Variants in CDYL observed in about 807,000 individuals in gnomAD.
The protein encoded by CDYL is chromodomain Y-like protein.
Under a neutral mutation model 47.3 loss-of-function variants are expected in CDYL, and 8 were observed. The observed-to-expected ratio is 0.17, with a 90% CI of 0.10 to 0.31. CDYL has a LOEUF of 0.31. CDYL is among the 10% of genes least tolerant of loss of function. The pLI is 1.00. For missense variants in CDYL, 471 were observed against 701.4 expected (o/e 0.67, Z 3.71); for synonymous variants, 266 against 265.0 (o/e 1.00, Z -0.04).
chr6:4,837,609 C>T (rs779112651), intron 1 of CDYL, among the ~76,000 whole-genome samples: 3 of 151,380 alleles, frequency 2.0e-5, no homozygotes, highest in South Asian at 4.2e-4. Flanking sequence ...GGATTACAGG[C>T]GAGTGTTACC....
chr6:4,907,101 A>G (rs879300014), intron 2 of CDYL, among the ~76,000 whole-genome samples: 5 of 152,212 alleles, frequency 3.3e-5, no homozygotes, highest in Non-Finnish European at 7.3e-5. Context: ...CACAATCTTC[A>G]GAGTTGCACA....
At chr6:4,736,718 C>A (rs1757710760) in intron 3 of CDYL, among the ~76,000 whole-genome samples, 1 of 151,300 alleles carries the variant, frequency 6.6e-6, no homozygotes, top group African/African-American at 2.4e-5. Context: ...TCCCTCATAA[C>A]CCATAGACTT....
At chr6:4,765,686 C>G (rs188169565) in intron 3 of CDYL, among the ~76,000 whole-genome samples, 1 of 152,046 alleles carries the variant, frequency 6.6e-6, no homozygotes, top group East Asian at 1.9e-4. Flanking sequence ...GCCTCGGCCT[C>G]CCATGTAGCT....
intron 2 of CDYL, among the ~76,000 whole-genome samples, chr6:4,928,421 C>T (rs537376961): frequency 6.6e-6 from 1 of 152,150 alleles, no homozygotes; most frequent in Non-Finnish European, 1.5e-5. Context: ...TAAATAGTTC[C>T]CAGAATCTAG....
intron 2 of CDYL, 125 bp from the exon 3 acceptor site, chr6:4,935,390 T>A (rs1248729676): frequency 1.2e-6 from 1 of 853,444 alleles, no homozygotes; most frequent in East Asian, 2.6e-5. Flanking sequence ...TTCTAAGTTT[T>A]AATATTCTTA....
At position 4,900,763 on chromosome 6, in the gene CDYL, A is replaced by T. The variant is rs1167761494; in HGVS notation, c.691+8384A>T. On this transcript the variant is annotated intron_variant, in intron 2 of 6. Coordinates refer to ENST00000397588, the MANE Select transcript of CDYL (RefSeq NM_004824.4). ...GACTGTTTGCATTCATTCTTCTGTT[A>T]ATTCCGTATACGTGTGTATATATAT... Among the ~76,000 whole-genome samples, 67 of 97,480 alleles carry T rather than the reference A, an allele frequency of 6.9e-4. 5 individuals carry two copies. Among genetic ancestry groups the T allele is most frequent in the African/African-American group, 2.4e-3 (64 of 26,402 alleles). The allele number at this position is 97,480 out of a possible 152,430, so 64.0% of individuals were successfully genotyped here. A position where few individuals can be genotyped will look rare whatever the true frequency, so the allele number is the denominator to read the frequency against.
chr6:4,763,049 T>C (rs1261500591), intron 3 of CDYL, among the ~76,000 whole-genome samples: 3 of 151,982 alleles, frequency 2.0e-5, no homozygotes, highest in East Asian at 1.9e-4. Flanking sequence ...AGAAGAAAGA[T>C]AGATTACCTT....
chr6:4,776,172 C>G (rs1315668380), upstream of CDYL, among the ~76,000 whole-genome samples: 2 of 6,618 alleles, frequency 3.0e-4, no homozygotes, highest in Admixed American at 1.4e-3. Context: ...CCCCCGCGCT[C>G]GCGGCCCCGC....
At position 4,829,502 on chromosome 6, in the gene CDYL, G is replaced by A. The variant is rs11962971; in HGVS notation, c.24+52695G>A. Among the ~76,000 whole-genome samples the A allele has an allele frequency of 4.1e-3, 629 of 152,304 alleles. 1 individual carries two copies. Among genetic ancestry groups the A allele is most frequent in the African/African-American group, 0.014 (587 of 41,560 alleles). On this transcript the variant is annotated intron_variant, in intron 1 of 6. Transcript: ENST00000397588. ...AGGTGATCAGTCTGAGGTGAAAGCC[G>A]AGAAACTTCTCAGGTCTTTCTGAGC... is the stretch of plus-strand genomic sequence containing the variant.
chr6:4,717,067 T>A (rs1757278577), intron 2 of CDYL, among the ~76,000 whole-genome samples: 1 of 152,032 alleles, frequency 6.6e-6, no homozygotes, highest in Non-Finnish European at 1.5e-5. Flanking sequence ...GAGCAGGCAG[T>A]GGGAACCTGG....
upstream of CDYL, chr6:4,773,035 T>C (rs1314477005): frequency 2.3e-6 from 1 of 428,148 alleles, no homozygotes; most frequent in Admixed American, 2.7e-5. This position sits in a 1 kb window ranked among gnomAD's most constrained non-coding sequence, Gnocchi z 4.6. Context: ...GTTTTAGTTA[T>C]CATTCTCCCG....
intron 1 of CDYL, chr6:4,715,659 G>T: frequency 7.4e-7 from 1 of 1,348,668 alleles, no homozygotes; most frequent in Non-Finnish European, 1.0e-6. Context: ...TGTAGAACTG[G>T]TGAAAGTCAT....
chr6:4,893,004 A>G (rs1762094625), intron 2 of CDYL, among the ~76,000 whole-genome samples: 1 of 152,116 alleles, frequency 6.6e-6, no homozygotes, highest in African/African-American at 2.4e-5. Flanking sequence ...TTGTGCCATG[A>G]CCTGTCCATC....
chr6:4,866,291 A>G (rs1280981938), intron 1 of CDYL, among the ~76,000 whole-genome samples: 1 of 152,220 alleles, frequency 6.6e-6, no homozygotes, highest in Non-Finnish European at 1.5e-5. Context: ...AGAGAAGAAC[A>G]GAAAATAATT....
chr6:4,763,889 G>C (rs1758212832), intron 3 of CDYL, among the ~76,000 whole-genome samples: 1 of 152,148 alleles, frequency 6.6e-6, no homozygotes, highest in Non-Finnish European at 1.5e-5. Context: ...GTTGCAGTGA[G>C]CCGAGATCAT....
chr6:4,828,708 TC>T (rs940995283), intron 1 of CDYL, among the ~76,000 whole-genome samples: 5 of 152,188 alleles, frequency 3.3e-5, no homozygotes, highest in African/African-American at 1.2e-4. Context: ...AATCACTTTG[TC>T]CCTTTCTTTT....
intron 3 of CDYL, among the ~76,000 whole-genome samples, chr6:4,740,551 T>C (rs368379200): frequency 1.1e-4 from 16 of 152,320 alleles, no homozygotes; most frequent in East Asian, 5.8e-4. Context: ...TAAATAACCG[T>C]TGCATTGAAT....
At chr6:4,822,049 A>G (rs1042074147) in intron 1 of CDYL, among the ~76,000 whole-genome samples, 16 of 151,994 alleles carry the variant, frequency 1.1e-4, no homozygotes, top group Admixed American at 2.6e-4. Flanking sequence ...GCTCACTACA[A>G]CCTTGACCTC....
chr6:4,825,831 A>C (rs2127450987), intron 1 of CDYL, among the ~76,000 whole-genome samples: 1 of 150,328 alleles, frequency 6.7e-6, no homozygotes, highest in Admixed American at 6.6e-5. Flanking sequence ...GGTCATTTAT[A>C]CATACACCTA....
Sources: allele counts gnomAD v4.1 joint callset (sites outside exome capture counted in the v4.1 genomes callset), GRCh38; gene constraint gnomAD v4.1.1; non-coding constraint Gnocchi (gnomAD v3.1); transcripts MANE v1.5; gene names NCBI Gene and HGNC (gene_info 2026-07-23, HGNC 2026-07-21).